Variants in KIF11 observed in about 807,000 individuals in gnomAD.
The protein encoded by KIF11 is kinesin family member 11.
In KIF11, 9 loss-of-function variants were observed where a neutral mutation model predicts 121.0. The observed-to-expected ratio is 0.07, with a 90% confidence interval of 0.04 to 0.13. KIF11 has a LOEUF of 0.13. Among genes scored for constraint, KIF11 ranks in the 10% least tolerant of loss-of-function variants. The pLI, the probability that KIF11 is intolerant of heterozygous loss-of-function variation, is 1.00. For missense variants in KIF11, 846 were observed against 1,217.5 expected (o/e 0.69, Z 4.54); for synonymous variants, 408 against 421.0 (o/e 0.97, Z 0.38).
At chr10:92,606,818 C>T in intron 3 of KIF11, 102 bp downstream of exon 3, 1 of 764,458 alleles carries the variant, frequency 1.3e-6, no homozygotes, top group East Asian at 2.5e-5. Context: ...ACTCTTGTTG[C>T]CCAGGCTGGA....
At chr10:92,625,976 C>CGAA in intron 10 of KIF11, among the ~76,000 whole-genome samples, 1 of 152,106 alleles carries the variant, frequency 6.6e-6, no homozygotes, top group Non-Finnish European at 1.5e-5. Context: ...TAAGAAGAAT[C>CGAA]AATATTGTTA....
chr10:92,594,719 C>T (rs1219815874), intron 1 of KIF11, among the ~76,000 whole-genome samples: 4 of 152,142 alleles, frequency 2.6e-5, no homozygotes, highest in African/African-American at 4.8e-5. Flanking sequence ...CCTCTCCATC[C>T]CTTTTCCTCC....
intron 4 of KIF11, among the ~76,000 whole-genome samples, chr10:92,607,866 G>C (rs1018575635): frequency 6.6e-6 from 1 of 151,890 alleles, no homozygotes; most frequent in Non-Finnish European, 1.5e-5. Flanking sequence ...TTAATAACTA[G>C]TTAATTGGTC....
intron 10 of KIF11, among the ~76,000 whole-genome samples, chr10:92,623,239 T>C (rs997098099): frequency 6.6e-6 from 1 of 152,214 alleles, no homozygotes; most frequent in Non-Finnish European, 1.5e-5. Context: ...TTTTCCATGA[T>C]TCCTAACCCC....
At chr10:92,635,520 T>G (rs1844786240) in intron 14 of KIF11, among the ~76,000 whole-genome samples, 1 of 152,198 alleles carries the variant, frequency 6.6e-6, no homozygotes, top group African/African-American at 2.4e-5. Context: ...AACACAACGT[T>G]TATCAGTTAC....
At position 92,649,993 on chromosome 10, in the gene KIF11, T is replaced by G. The variant is rs1844963700; in HGVS notation, c.2922+7T>G. 3 of 1,599,450 alleles carry G rather than the reference T, an allele frequency of 1.9e-6. No homozygotes were observed. Among genetic ancestry groups the G allele is most frequent in the Admixed American group, 1.7e-5 (1 of 59,348 alleles). On this transcript the variant is annotated splice_region_variant and intron_variant, in intron 20 of 21. Transcript: ENST00000260731. ...CAAAGAAGAGACAATTCCGGTAAAT[T>G]TAAAGGATCATATTTTATAATAGAA... is the stretch of plus-strand genomic sequence containing the variant.
At chr10:92,609,717 A>G (rs1416765654) in intron 6 of KIF11, among the ~76,000 whole-genome samples, 3 of 152,036 alleles carry the variant, frequency 2.0e-5, no homozygotes, top group Non-Finnish European at 4.4e-5. Context: ...AGATAAGTTG[A>G]ACCATAGCTG....
intron 8 of KIF11, among the ~76,000 whole-genome samples, chr10:92,615,033 G>A (rs1021594319): frequency 2.6e-5 from 4 of 151,872 alleles, no homozygotes; most frequent in Non-Finnish European, 4.4e-5. Context: ...TGGGCTCAAG[G>A]GATCCTCCTA....
intron 10 of KIF11, among the ~76,000 whole-genome samples, chr10:92,626,744 CTATT>C (rs992177743): frequency 6.6e-6 from 1 of 151,964 alleles, no homozygotes; most frequent in African/African-American, 2.4e-5. Flanking sequence ...AGATCTATTT[CTATT>C]TATTTTATTT....
In KIF11 at chr10:92,593,472, G is replaced by A. The variant is rs1265371369; in HGVS notation, c.77+20G>A. ...ATGCAGGTAGGGAGAGGGCTGACAGGATTCCGAGCGCTGCGGCTTCGCTGC... is the reference window on the plus strand; with the variant it reads ...ATGCAGGTAGGGAGAGGGCTGACAGAATTCCGAGCGCTGCGGCTTCGCTGC... On this transcript the variant is annotated intron_variant, in intron 1 of 21. Transcript: ENST00000260731. The A allele has an allele frequency of 6.3e-7, 1 of 1,599,462 alleles. No individual in the cohort carries two copies. Among genetic ancestry groups the A allele is most frequent in the African/African-American group, 1.3e-5 (1 of 74,802 alleles).
At chr10:92,648,646 C>G (rs968534349) in intron 19 of KIF11, among the ~76,000 whole-genome samples, 1 of 152,162 alleles carries the variant, frequency 6.6e-6, no homozygotes, top group Non-Finnish European at 1.5e-5. Context: ...TATAATTTCA[C>G]ATACTTTCAG....
intron 10 of KIF11, among the ~76,000 whole-genome samples, chr10:92,628,552 T>G (rs538846673): frequency 1.3e-5 from 2 of 152,328 alleles, no homozygotes; most frequent in East Asian, 3.9e-4. Flanking sequence ...CCCTCATAGG[T>G]AGGGATTCTT....
At chr10:92,637,140 G>A in intron 14 of KIF11, 44 bp from the exon 15 acceptor site, 1 of 1,480,250 alleles carries the variant, frequency 6.8e-7, no homozygotes, top group Non-Finnish European at 9.1e-7. Flanking sequence ...TACAGAAGTG[G>A]AAATATTCTT....
chr10:92,607,727 AAGAG>A (rs895622650), intron 4 of KIF11, among the ~76,000 whole-genome samples: 9 of 152,228 alleles, frequency 5.9e-5, no homozygotes, highest in African/African-American at 2.2e-4. Flanking sequence ...TTTAATAACT[AAGAG>A]AGAGAACCAA....
At chr10:92,625,330 AT>A (rs1844662887) in intron 10 of KIF11, among the ~76,000 whole-genome samples, 1 of 150,190 alleles carries the variant, frequency 6.7e-6, no homozygotes, top group African/African-American at 2.4e-5. Flanking sequence ...CTTTTGAAAA[AT>A]GTCCACATCA....
At chr10:92,635,636 T>C (rs10736069) in intron 14 of KIF11, among the ~76,000 whole-genome samples, 106,358 of 152,082 alleles carry the variant, frequency 0.7, 38,545 homozygotes, top group East Asian at 0.93. Flanking sequence ...AGAAATACTG[T>C]AGTAGTTACC....
rs1174173166 is a variant in KIF11 at position 92,653,761 on chromosome 10, A to G, written c.3136A>G (p.Ser1046Gly). 1.9e-6 allele frequency: 3 copies of G among 1,614,046 alleles called. No homozygotes were observed. The highest frequency in any genetic ancestry group is 2.5e-6 in the Non-Finnish European group (3 of 1,179,894). The change falls in exon 22 of 22, where the codon AGC (serine) becomes GGC (glycine). Residue 1046 changes from serine (S) to glycine (G), a missense_variant. Ser to Gly is a moderately conservative substitution (Grantham distance 56, BLOSUM62 0). Transcript: ENST00000260731. ...EETTEHLVTK[S>G]RLPLRAQINL ...AACTACAGAGCACTTGGTTACAAAGAGCAGATTACCTCTGCGAGCCCAGAT... is the reference window on the plus strand; with the variant it reads ...AACTACAGAGCACTTGGTTACAAAGGGCAGATTACCTCTGCGAGCCCAGAT...
At chr10:92,600,707 A>G (rs959080672) in intron 1 of KIF11, among the ~76,000 whole-genome samples, 24 of 151,916 alleles carry the variant, frequency 1.6e-4, no homozygotes, top group Middle Eastern at 3.4e-3. Context: ...GGGTTTCACT[A>G]TGTTGGCAAG....
Position 92,633,655 on chromosome 10 carries a change from G to C in KIF11, c.1735G>C (p.Asp579His). Reference protein sequence around the residue: ...NLLSSSVSALDTITTVALGSL... With the variant: ...NLLSSSVSALHTITTVALGSL... ...GCTGTCTTCCAGTGTCTCTGCATTA[G>C]ATACCATTACTACAGTAGCACTTGG... The change falls in exon 14 of 22, where the codon GAT becomes CAT. Residue 579 changes from aspartate (D) to histidine (H), a missense_variant. Around this residue, in one of 5 missense-constraint regions of KIF11, gnomAD observed 492 missense variants for 603.4 expected, o/e 0.82. Transcript: ENST00000260731. 6.2e-7 allele frequency: 1 copy of C among 1,607,984 alleles called. No individual in the cohort carries two copies. The highest frequency in any genetic ancestry group is 2.2e-5 in the East Asian group (1 of 44,742).
Sources: gnomAD v4.1 joint callset for allele counts (sites outside exome capture counted in the v4.1 genomes callset) on GRCh38, gnomAD v4.1.1 for gene constraint, gnomAD v4.1.1 regional missense constraint, MANE v1.5 for transcripts, NCBI Gene and HGNC (gene_info 2026-07-23, HGNC 2026-07-21) for gene names.